SCFD2: variants seen among roughly 807,000 people sequenced by gnomAD.
SCFD2 encodes the protein sec1 family domain containing 2, also known as sec1 family domain-containing protein 2.
SCFD2 carries 54 observed loss-of-function variants against 58.9 expected under a neutral mutation model. That is an observed-to-expected ratio of 0.92 (90% CI 0.74 to 1.15). The LOEUF is 1.15. Ranked by LOEUF, SCFD2 falls within the 50% of genes most tolerant of loss-of-function variation. The pLI is 0.00. For missense variants in SCFD2, 805 were observed against 836.6 expected, an observed-to-expected ratio of 0.96 and a Z score of 0.47; for synonymous variants, 321 against 335.9, an observed-to-expected ratio of 0.96 and a Z score of 0.49.
chr4:53,018,533 T>C (rs1478953938), intron 5 of SCFD2, among the ~76,000 whole-genome samples: 3 of 152,168 alleles, frequency 2.0e-5, no homozygotes, highest in Non-Finnish European at 4.4e-5. Flanking sequence ...TCATCCTGAG[T>C]GGACAGAATC....
chr4:53,186,446 C>T (rs12503963), intron 4 of SCFD2, among the ~76,000 whole-genome samples: 19,181 of 151,700 alleles, frequency 0.13, 1,331 homozygotes, highest in East Asian at 0.24. Context: ...GATTCTTGCA[C>T]GAAGAACATG....
chr4:53,136,249 A>G (rs1413301832), intron 5 of SCFD2, among the ~76,000 whole-genome samples: 1 of 152,210 alleles, frequency 6.6e-6, no homozygotes, highest in Non-Finnish European at 1.5e-5. Flanking sequence ...ATTGGGAGAC[A>G]CAAACCTTAG....
At chr4:53,279,538 A>G (rs1441353819) in intron 3 of SCFD2, among the ~76,000 whole-genome samples, 1 of 152,230 alleles carries the variant, frequency 6.6e-6, no homozygotes, top group African/African-American at 2.4e-5. Context: ...ATATAAATTT[A>G]TGTCTTGGGT....
chr4:53,333,757 A>C lies in SCFD2; in HGVS notation c.1007+18841T>G, dbSNP rs565010227. Among the ~76,000 whole-genome samples, 1,005 of 125,956 alleles carry C rather than the reference A, an allele frequency of 8.0e-3. 19 individuals are homozygous for C. The highest frequency in any genetic ancestry group is 0.029 in the African/African-American group (947 of 32,340). The allele number at this position is 125,956 out of a possible 152,430, so 82.6% of individuals were successfully genotyped here. ...AAGCCAAAATTGACAAATGGGATCT[A>C]ATTAAACTAAAGAGCTTCTGCACAG... is the stretch of plus-strand genomic sequence containing the variant. On this transcript the variant is annotated intron_variant, in intron 2 of 8. Transcript: ENST00000401642.
At chr4:53,057,437 AAACT>A (rs1723376162) in intron 5 of SCFD2, among the ~76,000 whole-genome samples, 1 of 152,192 alleles carries the variant, frequency 6.6e-6, no homozygotes, top group Non-Finnish European at 1.5e-5. Flanking sequence ...CATCCTCAGC[AAACT>A]AACACAGGAA....
intron 5 of SCFD2, among the ~76,000 whole-genome samples, chr4:53,096,185 C>T (rs148564638): frequency 0.019 from 2,965 of 152,242 alleles, 69 homozygotes; most frequent in East Asian, 0.11. Flanking sequence ...CATAAGTGTG[C>T]ATGTGTCTTT....
chr4:52,925,353 T>C (rs577337596), intron 5 of SCFD2, among the ~76,000 whole-genome samples: 43 of 131,448 alleles, frequency 3.3e-4, no homozygotes, highest in East Asian at 1.6e-3. Flanking sequence ...TATATATATA[T>C]ACATATATAT....
At chr4:53,010,533 C>T (rs1474517760) in intron 5 of SCFD2, among the ~76,000 whole-genome samples, 1 of 152,248 alleles carries the variant, frequency 6.6e-6, no homozygotes, top group Non-Finnish European at 1.5e-5. Flanking sequence ...ACAGAACATT[C>T]TTGGCGGAAA....
chr4:53,065,323 A>G (rs992679450), intron 5 of SCFD2, among the ~76,000 whole-genome samples: 2 of 152,116 alleles, frequency 1.3e-5, no homozygotes, highest in Admixed American at 1.3e-4. Flanking sequence ...CCTGGGGGAA[A>G]GGATAACAGA....
At chr4:53,215,998 C>G (rs1374435907) in intron 4 of SCFD2, among the ~76,000 whole-genome samples, 3 of 152,204 alleles carry the variant, frequency 2.0e-5, no homozygotes, top group African/African-American at 7.2e-5. Flanking sequence ...ATGAAGCCCA[C>G]TTGATCATGG....
At chr4:53,116,232 C>T (rs574075929) in intron 5 of SCFD2, among the ~76,000 whole-genome samples, 1 of 144,302 alleles carries the variant, frequency 6.9e-6, no homozygotes, top group African/African-American at 2.5e-5. Context: ...ATGTTAAAAC[C>T]TCAGTCAGTT....
At chr4:53,339,257 T>A (rs1733784500) in intron 2 of SCFD2, among the ~76,000 whole-genome samples, 1 of 151,846 alleles carries the variant, frequency 6.6e-6, no homozygotes, top group African/African-American at 2.4e-5. Flanking sequence ...GGAGCTAATG[T>A]TTCTATACTT....
chr4:53,038,864 T>C (rs1006206513), intron 5 of SCFD2, among the ~76,000 whole-genome samples: 53 of 152,056 alleles, frequency 3.5e-4, no homozygotes, highest in Admixed American at 2.6e-4. Flanking sequence ...AATTATTTTT[T>C]TTCTTTCAGA....
chr4:53,189,541 T>C (rs1170161243), intron 4 of SCFD2, among the ~76,000 whole-genome samples: 1 of 152,158 alleles, frequency 6.6e-6, no homozygotes, highest in Non-Finnish European at 1.5e-5. Flanking sequence ...TGGCGGGGCC[T>C]GAGAGAGCAG....
chr4:53,308,210 T>A (rs1292779529), intron 3 of SCFD2, among the ~76,000 whole-genome samples: 2 of 152,238 alleles, frequency 1.3e-5, no homozygotes, highest in Non-Finnish European at 2.9e-5. Context: ...TATGCAAAAC[T>A]TCTTTTATAG....
chr4:52,926,949 G>A (rs185237302), intron 5 of SCFD2, among the ~76,000 whole-genome samples: 3 of 152,274 alleles, frequency 2.0e-5, no homozygotes, highest in African/African-American at 7.2e-5. Flanking sequence ...TTTGGCAAAT[G>A]AAAACAAAAC....
At chr4:52,971,344 C>T (rs1247176343) in intron 5 of SCFD2, among the ~76,000 whole-genome samples, 1 of 152,292 alleles carries the variant, frequency 6.6e-6, no homozygotes, top group East Asian at 1.9e-4. Flanking sequence ...AGCTGAAAAC[C>T]ATGGCACGAG....
chr4:53,333,992 A>G (rs955334409), intron 2 of SCFD2, among the ~76,000 whole-genome samples: 1 of 151,252 alleles, frequency 6.6e-6, no homozygotes, highest in Non-Finnish European at 1.5e-5. Flanking sequence ...CAAAAAACAC[A>G]TGAAAAAATG....
intron 5 of SCFD2, among the ~76,000 whole-genome samples, chr4:52,925,449 T>G (rs997497932): frequency 2.6e-5 from 4 of 151,924 alleles, no homozygotes; most frequent in Admixed American, 1.3e-4. Flanking sequence ...TAGCTTTCTT[T>G]TTGGGAAGAC....
Sources: allele counts gnomAD v4.1 joint callset (sites outside exome capture counted in the v4.1 genomes callset), GRCh38; gene constraint gnomAD v4.1.1; transcripts MANE v1.5; gene names NCBI Gene and HGNC (gene_info 2026-07-23, HGNC 2026-07-21).